MRRF: variants seen among roughly 807,000 people sequenced by gnomAD.
MRRF encodes the protein ribosome-recycling factor, mitochondrial.
MRRF carries 18 observed loss-of-function variants against 25.1 expected under a neutral mutation model. That is an observed-to-expected ratio of 0.72 (90% CI 0.50 to 1.06). The LOEUF (loss-of-function observed/expected upper bound fraction) is 1.06, where lower values mean the gene tolerates loss of function less well. Ranked by LOEUF, MRRF falls within the 50% of genes least tolerant of loss-of-function variation. MRRF has a pLI of 0.00. For synonymous variants in MRRF, 113 were observed against 112.1 expected, an observed-to-expected ratio of 1.01 and a Z score of -0.05; for missense variants, 323 against 319.3, an observed-to-expected ratio of 1.01 and a Z score of -0.09.
chr9:122,301,302 G>A (rs2118879824), intron 5 of MRRF, among the ~76,000 whole-genome samples: 1 of 152,304 alleles, frequency 6.6e-6, no homozygotes, highest in Non-Finnish European at 1.5e-5. Context: ...GAGCAAGCTG[G>A]GTAAGGCAGA....
At chr9:122,294,891 A>T (rs1053575501) in intron 5 of MRRF, among the ~76,000 whole-genome samples, 10 of 152,256 alleles carry the variant, frequency 6.6e-5, no homozygotes, top group African/African-American at 2.4e-4. Flanking sequence ...AATTTTCTAC[A>T]TATTATATAA....
chr9:122,317,876 G>A (rs1588087973), intron 6 of MRRF, among the ~76,000 whole-genome samples: 1 of 152,068 alleles, frequency 6.6e-6, no homozygotes, highest in South Asian at 2.1e-4. Flanking sequence ...AGTGGCTCAC[G>A]CTTATAATCC....
At chr9:122,272,055 T>C (rs966115284) in intron 2 of MRRF, among the ~76,000 whole-genome samples, 2 of 152,226 alleles carry the variant, frequency 1.3e-5, no homozygotes, top group Non-Finnish European at 2.9e-5. Context: ...TATGTAGCAT[T>C]ATATTTTTTA....
chr9:122,306,157 TTAA>T lies in MRRF; in HGVS notation c.552-7064_552-7062del, dbSNP rs555534966. On this transcript the variant is annotated intron_variant, in intron 5 of 6. Coordinates refer to ENST00000344641, the MANE Select transcript of MRRF (RefSeq NM_138777.5). Reference sequence around the variant, plus strand: ...GTAGGAAACATCACAATTACTTTTATTAATAATATTATTGATAACTTAAAATAG... The same window carrying T: ...GTAGGAAACATCACAATTACTTTTATTAATATTATTGATAACTTAAAATAG... 4.6e-5 allele frequency among the ~76,000 whole-genome samples: 7 copies of T among 152,354 alleles called. No individual in the cohort carries two copies. In the South Asian group the frequency reaches 1.5e-3, roughly 32 times the overall value.
chr9:122,289,423 G>A (rs1833614943), intron 4 of MRRF, among the ~76,000 whole-genome samples: 3 of 152,100 alleles, frequency 2.0e-5, no homozygotes, highest in Non-Finnish European at 4.4e-5. Context: ...GCCTGTAGGG[G>A]AAGGTTGTAT....
chr9:122,326,334 A>G lies in MRRF; in HGVS notation c.*3717A>G, dbSNP rs1427352759. On this transcript the variant is annotated 3_prime_UTR_variant, in exon 7 of 7. Coordinates refer to ENST00000344641, the MANE Select transcript of MRRF (RefSeq NM_138777.5). ...ACCATGTTGGCCAGGCTGGTCTTGA[A>G]CTCCTGACTCAGGTGATCCACCTGT... 1.4e-5 allele frequency: 2 copies of G among 147,516 alleles called. No homozygotes were observed. Among genetic ancestry groups the G allele is most frequent in the African/African-American group, 5.0e-5 (2 of 39,860 alleles). 9.1% of individuals were successfully genotyped at this position (147,516 alleles called of 1,614,324 possible).
At chr9:122,321,580 ATACGAGC>A (rs1835896642) in intron 6 of MRRF, among the ~76,000 whole-genome samples, 1 of 152,254 alleles carries the variant, frequency 6.6e-6, no homozygotes, top group Admixed American at 6.5e-5. Context: ...TATCAGTGAT[ATACGAGC>A]TTATCCATTT....
chr9:122,277,518 T>G (rs529698852), intron 2 of MRRF, among the ~76,000 whole-genome samples: 3 of 152,156 alleles, frequency 2.0e-5, no homozygotes, highest in African/African-American at 4.8e-5. Context: ...TTTATTGTAG[T>G]CACTGCATAT....
At chr9:122,310,017 A>AGTTTACATTTCCTGAGT (rs1835106104) in intron 5 of MRRF, among the ~76,000 whole-genome samples, 1 of 152,258 alleles carries the variant, frequency 6.6e-6, no homozygotes, top group Non-Finnish European at 1.5e-5. Context: ...CAGCAGAGAC[A>AGTTTACATTTCCTGAGT]GTTTACATTT....
At chr9:122,277,126 CT>C (rs768315070) in intron 2 of MRRF, among the ~76,000 whole-genome samples, 19 of 152,306 alleles carry the variant, frequency 1.2e-4, no homozygotes, top group Admixed American at 4.6e-4. Context: ...CCACAAAGTG[CT>C]GGGATTACAA....
chr9:122,313,447 G>T, intron 6 of MRRF, 61 bp downstream of exon 6: 7 of 1,566,664 alleles, frequency 4.5e-6, no homozygotes, highest in Non-Finnish European at 6.2e-6. Flanking sequence ...ATTTGTTCAT[G>T]TTTGAGGTGA....
chr9:122,279,123 G>A (rs1395108415), intron 2 of MRRF, among the ~76,000 whole-genome samples: 4 of 152,156 alleles, frequency 2.6e-5, no homozygotes, highest in South Asian at 2.1e-4. Flanking sequence ...TGCCTGCCTC[G>A]GCCCCACAAA....
chr9:122,277,079 T>G (rs1293258530), intron 2 of MRRF, among the ~76,000 whole-genome samples: 2 of 152,138 alleles, frequency 1.3e-5, no homozygotes, highest in Non-Finnish European at 2.9e-5. Flanking sequence ...AGACTGGTCT[T>G]GAACTGCTGG....
At chr9:122,271,648 C>G (rs1027578585) in intron 2 of MRRF, among the ~76,000 whole-genome samples, 47 of 152,210 alleles carry the variant, frequency 3.1e-4, no homozygotes, top group Admixed American at 3.0e-3. Flanking sequence ...CTTTGATGCA[C>G]TTAGAACAGC....
intron 6 of MRRF, among the ~76,000 whole-genome samples, chr9:122,318,051 C>T (rs1343515564): frequency 6.6e-6 from 1 of 152,106 alleles, no homozygotes; most frequent in Non-Finnish European, 1.5e-5. Flanking sequence ...GCAGGAGAAT[C>T]GCTTGAACCC....
chr9:122,304,778 A>G (rs1287092310), intron 5 of MRRF, among the ~76,000 whole-genome samples: 3 of 152,144 alleles, frequency 2.0e-5, no homozygotes, highest in Non-Finnish European at 4.4e-5. Flanking sequence ...TATTACCACC[A>G]CTGGTAAGAA....
intron 6 of MRRF, among the ~76,000 whole-genome samples, chr9:122,319,157 T>C (rs1335820514): frequency 6.8e-6 from 1 of 146,528 alleles, no homozygotes; most frequent in African/African-American, 2.5e-5. Flanking sequence ...CTTTTTTTTT[T>C]TTTTTTTTTT....
intron 5 of MRRF, among the ~76,000 whole-genome samples, chr9:122,292,755 G>T (rs528869175): frequency 6.6e-6 from 1 of 152,068 alleles, no homozygotes; most frequent in Admixed American, 6.6e-5. Flanking sequence ...TTAACAAATG[G>T]ACTATAGGGG....
chr9:122,291,189 C>T (rs1169444841), intron 4 of MRRF, among the ~76,000 whole-genome samples: 1 of 152,188 alleles, frequency 6.6e-6, no homozygotes, highest in Non-Finnish European at 1.5e-5. Flanking sequence ...CTTTCTGACT[C>T]CAAAGCCCAT....
Sources: gnomAD v4.1 joint callset for allele counts (sites outside exome capture counted in the v4.1 genomes callset) on GRCh38, gnomAD v4.1.1 for gene constraint, MANE v1.5 for transcripts, NCBI Gene and HGNC (gene_info 2026-07-23, HGNC 2026-07-21) for gene names.